Variants in DEUP1 observed in about 807,000 individuals in gnomAD.
DEUP1 encodes deuterosome assembly protein 1.
A neutral mutation model predicts 87.4 loss-of-function variants in DEUP1; 82 were observed. That is an observed-to-expected ratio of 0.94 (90% CI 0.78 to 1.13). The LOEUF (loss-of-function observed/expected upper bound fraction) is 1.13. Ranked by LOEUF, DEUP1 falls within the 50% of genes most tolerant of loss-of-function variation. The probability of loss-of-function intolerance (pLI) is 0.00; values close to 1 mark genes in which losing one functional copy is unlikely to be tolerated. For missense variants in DEUP1, 663 were observed against 681.5 expected, an observed-to-expected ratio of 0.97 and a Z score of 0.30; for synonymous variants, 214 against 222.7, an observed-to-expected ratio of 0.96 and a Z score of 0.35.
At chr11:93,342,424 G>A (rs1235821450) in intron 2 of DEUP1, among the ~76,000 whole-genome samples, 1 of 152,168 alleles carries the variant, frequency 6.6e-6, no homozygotes, top group East Asian at 1.9e-4. Flanking sequence ...GCAGCAAAGA[G>A]GACTCTAGCT....
At chr11:93,343,686 A>T (rs1174540085) in intron 2 of DEUP1, among the ~76,000 whole-genome samples, 2 of 152,178 alleles carry the variant, frequency 1.3e-5, no homozygotes, top group Non-Finnish European at 2.9e-5. Flanking sequence ...TTTAGAACAT[A>T]AAAAAATGCA....
At chr11:93,337,147 G>A (rs1237883035) in intron 2 of DEUP1, among the ~76,000 whole-genome samples, 1 of 152,180 alleles carries the variant, frequency 6.6e-6, no homozygotes, top group African/African-American at 2.4e-5. Flanking sequence ...AACCAAGGTA[G>A]ATGAATATTA....
chr11:93,417,660 CA>C (rs1947692672), intron 13 of DEUP1, among the ~76,000 whole-genome samples: 1 of 149,666 alleles, frequency 6.7e-6, no homozygotes, highest in African/African-American at 2.5e-5. Flanking sequence ...TGACTTTCTT[CA>C]CAGAATTGTA....
chr11:93,401,020 G>A (rs575141843), intron 11 of DEUP1, among the ~76,000 whole-genome samples: 35 of 152,242 alleles, frequency 2.3e-4, no homozygotes, highest in Middle Eastern at 3.4e-3. Flanking sequence ...CCTGTTCACA[G>A]ACGATATGAT....
intron 4 of DEUP1, among the ~76,000 whole-genome samples, chr11:93,358,365 T>C (rs553473967): frequency 4.6e-5 from 7 of 152,338 alleles, no homozygotes; most frequent in Non-Finnish European, 1.0e-4. Context: ...AATATCTTTA[T>C]GGTAACTTAA....
At chr11:93,403,166 G>A (rs1229596031) in intron 11 of DEUP1, among the ~76,000 whole-genome samples, 2 of 151,866 alleles carry the variant, frequency 1.3e-5, no homozygotes, top group Non-Finnish European at 2.9e-5. Flanking sequence ...AAATCTGTGT[G>A]TATAAATGAG....
At chr11:93,365,332 A>C (rs924138875) in intron 5 of DEUP1, among the ~76,000 whole-genome samples, 2 of 152,104 alleles carry the variant, frequency 1.3e-5, no homozygotes, top group Non-Finnish European at 2.9e-5. Flanking sequence ...TAGTTTTTTA[A>C]AAAAACAAAC....
intron 12 of DEUP1, among the ~76,000 whole-genome samples, chr11:93,413,292 A>G (rs903776889): frequency 6.9e-6 from 1 of 144,424 alleles, no homozygotes; most frequent in Non-Finnish European, 1.5e-5. Context: ...CCCAGGCTGG[A>G]GTGCAGTGGC....
rs1176042893 is a variant in DEUP1 at position 93,415,107 on chromosome 11, T to A, written c.1631T>A (p.Phe544Tyr). ...TSPLVSDDDVFPLSPPDMSFP... is the reference protein window; with the variant it reads ...TSPLVSDDDVYPLSPPDMSFP... ...CCTTTGGTTAGTGATGATGATGTAT[T>A]CCCACTGGTGAGTTGCTGGTTGTGG... is the stretch of plus-strand genomic sequence containing the variant. Residue 544 changes from phenylalanine to tyrosine, a missense_variant, in exon 13 of 14, where the codon TTC becomes TAC. Coordinates refer to ENST00000298050, the MANE Select transcript of DEUP1 (RefSeq NM_181645.4). 2 of 1,605,372 alleles carry A rather than the reference T, an allele frequency of 1.2e-6. No individual in the cohort carries two copies. The highest frequency in any genetic ancestry group is 1.7e-6 in the Non-Finnish European group (2 of 1,173,590).
intron 7 of DEUP1, among the ~76,000 whole-genome samples, chr11:93,384,000 T>A (rs1007121286): frequency 1.4e-4 from 21 of 152,340 alleles, no homozygotes; most frequent in African/African-American, 5.0e-4. Context: ...AAGTCAGGCA[T>A]TTTTTAAAGA....
chr11:93,404,241 G>T (rs1310036920), intron 11 of DEUP1, among the ~76,000 whole-genome samples: 1 of 151,846 alleles, frequency 6.6e-6, no homozygotes, highest in Non-Finnish European at 1.5e-5. Context: ...AAAAGTGAAG[G>T]GTTTTCTCTT....
At chr11:93,355,714 A>T (rs557813933) in intron 3 of DEUP1, among the ~76,000 whole-genome samples, 172 bp downstream of exon 3, 15 of 152,360 alleles carry the variant, frequency 9.8e-5, no homozygotes, top group Non-Finnish European at 1.5e-4. Context: ...AAATAAGTGA[A>T]AATCAGAACC....
At chr11:93,382,198 T>C (rs1187246416) in intron 7 of DEUP1, among the ~76,000 whole-genome samples, 1 of 152,186 alleles carries the variant, frequency 6.6e-6, no homozygotes, top group Non-Finnish European at 1.5e-5. Flanking sequence ...TAAAACTACA[T>C]CTCAGTTAAA....
At chr11:93,414,244 T>C (rs79697020) in intron 12 of DEUP1, among the ~76,000 whole-genome samples, 7 of 152,230 alleles carry the variant, frequency 4.6e-5, no homozygotes, top group Admixed American at 3.9e-4. Flanking sequence ...GGGCGCACGG[T>C]GACTCATGCC....
chr11:93,362,510 A>T (rs1945222517), intron 4 of DEUP1, among the ~76,000 whole-genome samples: 1 of 151,912 alleles, frequency 6.6e-6, no homozygotes, highest in Admixed American at 6.6e-5. Flanking sequence ...CACAATATCC[A>T]TTCACATCCA....
intron 13 of DEUP1, among the ~76,000 whole-genome samples, chr11:93,416,065 A>G (rs1591255187): frequency 6.6e-6 from 1 of 152,190 alleles, no homozygotes; most frequent in Non-Finnish European, 1.5e-5. Context: ...TTTAGTAGGT[A>G]CCGCCAAACT....
At chr11:93,417,692 T>C in intron 13 of DEUP1, among the ~76,000 whole-genome samples, 1 of 145,564 alleles carries the variant, frequency 6.9e-6, no homozygotes, top group Non-Finnish European at 1.5e-5. Flanking sequence ...TTAAAGTTCA[T>C]ATGGAACCAA....
Position 93,408,582 on chromosome 11 carries a change from T to C in DEUP1, c.1523+155T>C, listed in dbSNP as rs79701393. 1,239 of 486,510 alleles carry C rather than the reference T, an allele frequency of 2.5e-3. 15 individuals are homozygous for C. Among genetic ancestry groups the C allele is most frequent in the African/African-American group, 0.023 (1,129 of 50,092 alleles). 30.1% of individuals were successfully genotyped at this position (486,510 alleles called of 1,614,324 possible). On this transcript the variant is annotated intron_variant, in intron 12 of 13. Coordinates refer to ENST00000298050, the MANE Select transcript of DEUP1 (RefSeq NM_181645.4). ...AGATGAGTAGATAATGTAGGCTAGATACATTGCTTTATAAGAAATTGTGTC... is the reference window on the plus strand; with the variant it reads ...AGATGAGTAGATAATGTAGGCTAGACACATTGCTTTATAAGAAATTGTGTC...
At chr11:93,339,294 T>C (rs1412071785) in intron 2 of DEUP1, among the ~76,000 whole-genome samples, 1 of 152,220 alleles carries the variant, frequency 6.6e-6, no homozygotes, top group Non-Finnish European at 1.5e-5. Flanking sequence ...GGAGTAACTA[T>C]ACCTATAATC....
Sources: gnomAD v4.1 joint callset for allele counts (sites outside exome capture counted in the v4.1 genomes callset) on GRCh38, gnomAD v4.1.1 for gene constraint, MANE v1.5 for transcripts, NCBI Gene and HGNC (gene_info 2026-07-23, HGNC 2026-07-21) for gene names.